The following GABRA1 variants were observed in gnomAD, a reference collection of about 807,000 sequenced individuals.
GABRA1 encodes gamma-aminobutyric acid receptor subunit alpha-1.
In GABRA1, 9 loss-of-function variants were observed where a neutral mutation model predicts 48.9. The ratio of observed to expected loss-of-function variants is 0.18; its 90% CI spans 0.11 to 0.32. GABRA1 has a LOEUF of 0.32. GABRA1 is among the 10% of genes least tolerant of loss of function. The probability of loss-of-function intolerance (pLI) is 1.00; values close to 1 mark genes in which losing one functional copy is unlikely to be tolerated. For missense variants in GABRA1, 285 were observed against 553.8 expected (o/e 0.51, Z 4.87); for synonymous variants, 210 against 198.7 (o/e 1.06, Z -0.48).
chr5:161,896,078 A>T (rs1289105732), intron 9 of GABRA1, among the ~76,000 whole-genome samples: 1 of 152,170 alleles, frequency 6.6e-6, no homozygotes, highest in Non-Finnish European at 1.5e-5. Flanking sequence ...AGTGGAGGAG[A>T]TAAAGGAGAG....
intron 4 of GABRA1, among the ~76,000 whole-genome samples, chr5:161,866,397 G>C (rs1300713620): frequency 6.6e-6 from 1 of 151,794 alleles, no homozygotes; most frequent in East Asian, 1.9e-4. Flanking sequence ...CTGTCTGATG[G>C]GAGTTATAGA....
chr5:161,879,143 C>T (rs943909042), intron 6 of GABRA1, among the ~76,000 whole-genome samples: 2 of 152,186 alleles, frequency 1.3e-5, no homozygotes, highest in Non-Finnish European at 2.9e-5. Context: ...GGGTCTCTCT[C>T]TGTTGCCCAG....
At chr5:161,875,482 T>G in intron 5 of GABRA1, 78 bp from the exon 6 acceptor site, 1 of 1,118,976 alleles carries the variant, frequency 8.9e-7, no homozygotes, top group Non-Finnish European at 1.4e-6. Context: ...TTTGCTACAG[T>G]TAATAACATT....
At chr5:161,849,686 A>AG (rs1757360807) in intron 1 of GABRA1, among the ~76,000 whole-genome samples, 1 of 152,216 alleles carries the variant, frequency 6.6e-6, no homozygotes, top group African/African-American at 2.4e-5. Context: ...CAGTCTATTA[A>AG]TCACTTACCC....
chr5:161,896,745 A>G (rs1755385836), intron 9 of GABRA1, among the ~76,000 whole-genome samples: 1 of 152,208 alleles, frequency 6.6e-6, no homozygotes, highest in Non-Finnish European at 1.5e-5. Context: ...CCACTTGAAT[A>G]TTGCTGCATA....
At chr5:161,876,758 C>T (rs1274100082) in intron 6 of GABRA1, among the ~76,000 whole-genome samples, 1 of 152,066 alleles carries the variant, frequency 6.6e-6, no homozygotes, top group East Asian at 1.9e-4. Flanking sequence ...ATGTTTTCTC[C>T]TGAATAACAG....
At chr5:161,887,934 T>C (rs1754920276) in intron 7 of GABRA1, among the ~76,000 whole-genome samples, 1 of 152,128 alleles carries the variant, frequency 6.6e-6, no homozygotes, top group African/African-American at 2.4e-5. Flanking sequence ...CAAATGAACC[T>C]ATGCAAGGTA....
At chr5:161,888,728 T>A (rs1034024333) in intron 7 of GABRA1, among the ~76,000 whole-genome samples, 1 of 152,038 alleles carries the variant, frequency 6.6e-6, no homozygotes, top group African/African-American at 2.4e-5. Flanking sequence ...TTGGGAAAAT[T>A]GTTTTTCTAC....
chr5:161,882,399 G>A (rs1202449172), intron 6 of GABRA1, 159 bp from the exon 7 acceptor site: 11 of 666,470 alleles, frequency 1.7e-5, no homozygotes, highest in African/African-American at 5.5e-5. Flanking sequence ...ATCAGAAAAC[G>A]TGTTTTAGTT....
At chr5:161,890,210 T>A (rs143672707) in intron 7 of GABRA1, among the ~76,000 whole-genome samples, 36 of 152,188 alleles carry the variant, frequency 2.4e-4, no homozygotes, top group African/African-American at 8.2e-4. Context: ...ATCTAGGAAT[T>A]GGGACAAACT....
chr5:161,873,651 T>G (rs1754221658), intron 5 of GABRA1, among the ~76,000 whole-genome samples: 1 of 152,108 alleles, frequency 6.6e-6, no homozygotes, highest in Non-Finnish European at 1.5e-5. Context: ...GACCTAAATT[T>G]CTAGAAGCCA....
intron 2 of GABRA1, among the ~76,000 whole-genome samples, chr5:161,852,226 G>A (rs2113299296): frequency 6.6e-6 from 1 of 152,146 alleles, no homozygotes; most frequent in Admixed American, 6.5e-5. Flanking sequence ...AACAATTGGT[G>A]AAAACATTTG....
chr5:161,867,542 T>C (rs1302396204), intron 4 of GABRA1, among the ~76,000 whole-genome samples: 1 of 152,156 alleles, frequency 6.6e-6, no homozygotes, highest in African/African-American at 2.4e-5. Context: ...CTTTCAAATG[T>C]ATATATTATT....
intron 2 of GABRA1, among the ~76,000 whole-genome samples, chr5:161,853,925 G>A (rs1476082917): frequency 1.3e-5 from 2 of 151,680 alleles, no homozygotes; most frequent in African/African-American, 4.8e-5. Context: ...AAAGTAAACA[G>A]ACAGAAGTCA....
At chr5:161,888,389 C>T (rs1030594957) in intron 7 of GABRA1, among the ~76,000 whole-genome samples, 1 of 152,040 alleles carries the variant, frequency 6.6e-6, no homozygotes, top group South Asian at 2.1e-4. Context: ...GGTTTCAAAA[C>T]ATTGGAATTT....
At chr5:161,896,966 T>C (rs1755395605) in intron 9 of GABRA1, 145 bp from the exon 10 acceptor site, 2 of 698,972 alleles carry the variant, frequency 2.9e-6, no homozygotes, top group Admixed American at 2.6e-5. Context: ...TAATTTATTA[T>C]AATAAGACAG....
chr5:161,888,868 T>A (rs1022451171), intron 7 of GABRA1, among the ~76,000 whole-genome samples: 7 of 152,072 alleles, frequency 4.6e-5, no homozygotes, highest in African/African-American at 1.4e-4. Flanking sequence ...AAGATTCTTA[T>A]GAATTTTGTT....
intron 9 of GABRA1, among the ~76,000 whole-genome samples, chr5:161,896,507 C>T (rs1013867437): frequency 6.6e-6 from 1 of 152,090 alleles, no homozygotes; most frequent in Non-Finnish European, 1.5e-5. Flanking sequence ...GATTTTATGT[C>T]ACAGCTTGGG....
chr5:161,889,721 C>T (rs565606225), intron 7 of GABRA1, among the ~76,000 whole-genome samples: 2 of 152,054 alleles, frequency 1.3e-5, no homozygotes, highest in East Asian at 3.9e-4. Flanking sequence ...TTTATATTGT[C>T]ACACAAGAGA....
Sources: gnomAD v4.1 joint callset for allele counts (sites outside exome capture counted in the v4.1 genomes callset) on GRCh38, gnomAD v4.1.1 for gene constraint, MANE v1.5 for transcripts, NCBI Gene and HGNC (gene_info 2026-07-23, HGNC 2026-07-21) for gene names.